The following SHROOM3 variants were observed in gnomAD, a reference collection of about 807,000 sequenced individuals.
SHROOM3 encodes shroom family member 3, also known as protein Shroom3.
Under a neutral mutation model 138.6 loss-of-function variants are expected in SHROOM3, and 47 were observed. The ratio of observed to expected loss-of-function variants is 0.34; its 90% confidence interval spans 0.27 to 0.43. The LOEUF (loss-of-function observed/expected upper bound fraction) is 0.43. SHROOM3 is among the 20% of genes least tolerant of loss of function. The pLI, the probability that SHROOM3 is intolerant of heterozygous loss-of-function variation, is 1.00. For synonymous variants in SHROOM3, 1,062 were observed against 1,063.3 expected, an observed-to-expected ratio of 1.00 and a Z score of 0.02; for missense variants, 2,491 against 2,596.5, an observed-to-expected ratio of 0.96 and a Z score of 0.88.
intron 1 of SHROOM3, chr4:76,532,239 C>T (rs1476549161): frequency 6.6e-6 from 1 of 152,246 alleles, no homozygotes; most frequent in Non-Finnish European, 1.5e-5. Context: ...TGGAACGCTT[C>T]ACGAATTTGC....
chr4:76,765,705 T>A (rs975808966), intron 9 of SHROOM3, among the ~76,000 whole-genome samples: 1 of 152,124 alleles, frequency 6.6e-6, no homozygotes, highest in Non-Finnish European at 1.5e-5. Context: ...ATGAGCGGTG[T>A]GTCATCTTCA....
chr4:76,740,296 C>T lies in SHROOM3; in HGVS notation c.2123C>T (p.Ala708Val). The T allele has an allele frequency of 6.2e-7, 1 of 1,613,154 alleles. No individual in the cohort carries two copies. The highest frequency in any genetic ancestry group is 8.5e-7 in the Non-Finnish European group (1 of 1,180,024). ...NTKAEDPGRK[A>V]APDLGSHLDR... The stretch of plus-strand genomic sequence containing the variant: ...AAGGCAGAAGACCCTGGGAGGAAAG[C>T]CGCTCCTGACCTCGGGAGCCATCTG... The change falls in exon 5 of 11, where the codon GCC (alanine) becomes GTC (valine). Residue 708 changes from alanine to valine, a missense_variant. By Grantham distance (64) the Ala-to-Val change is moderately conservative. This residue lies in a region of SHROOM3 where 1,733 missense variants were observed against 1,661.6 expected (regional missense o/e 1.04). Transcript: ENST00000296043. This position sits in a 1 kb window ranked among gnomAD's most constrained non-coding sequence, Gnocchi z 4.0.
intron 7 of SHROOM3, among the ~76,000 whole-genome samples, chr4:76,755,688 C>T (rs1184782715): frequency 2.0e-5 from 3 of 152,116 alleles, no homozygotes; most frequent in African/African-American, 7.2e-5. Flanking sequence ...TTAATATATA[C>T]AGCCTTGAGG....
chr4:76,546,424 A>G (rs938673985), intron 1 of SHROOM3, among the ~76,000 whole-genome samples: 2 of 152,232 alleles, frequency 1.3e-5, no homozygotes, highest in African/African-American at 4.8e-5. Flanking sequence ...TTTCTGTTTT[A>G]AAGTCCAGCA....
chr4:76,561,909 G>A (rs907424056), intron 2 of SHROOM3, among the ~76,000 whole-genome samples: 3 of 152,026 alleles, frequency 2.0e-5, no homozygotes, highest in Non-Finnish European at 4.4e-5. Flanking sequence ...TACTCGGGAG[G>A]CTGAAGCAGA....
chr4:76,474,253 G>A (rs958748551), intron 1 of SHROOM3, among the ~76,000 whole-genome samples: 4 of 152,314 alleles, frequency 2.6e-5, no homozygotes, highest in Admixed American at 2.0e-4. Flanking sequence ...AACACAGAGA[G>A]AGTATTAGTG....
Position 76,577,968 on chromosome 4 carries a change from G to GT in SHROOM3, c.323+22214dup, listed in dbSNP as rs958494881. ...CTCTCTTCTTCTTACTGTGTTCATT[G>GT]TTTTTTTTTAAGTACCTAGGTAATG... On this transcript the variant is annotated intron_variant, in intron 2 of 10. Transcript: ENST00000296043. 1.3e-4 allele frequency among the ~76,000 whole-genome samples: 19 copies of GT among 151,086 alleles called. No homozygotes were observed. In the East Asian group the frequency reaches 1.4e-3, roughly 11 times the overall value.
At chr4:76,679,556 T>C (rs1719131692) in intron 2 of SHROOM3, among the ~76,000 whole-genome samples, 1 of 152,126 alleles carries the variant, frequency 6.6e-6, no homozygotes, top group Admixed American at 6.5e-5. Flanking sequence ...AACATGAATA[T>C]TTTTCTAGAA....
At chr4:76,633,442 G>T (rs2110074812) in intron 2 of SHROOM3, among the ~76,000 whole-genome samples, 2 of 151,950 alleles carry the variant, frequency 1.3e-5, no homozygotes, top group South Asian at 4.1e-4. Flanking sequence ...GGATCACGAG[G>T]TCGGGAGATC....
chr4:76,740,297 C>T lies in SHROOM3; in HGVS notation c.2124C>T (p.Ala708=), dbSNP rs770979625. ...NTKAEDPGRK[A]APDLGSHLDR... ...AGGCAGAAGACCCTGGGAGGAAAGCCGCTCCTGACCTCGGGAGCCATCTGG... is the reference window on the plus strand; with the variant it reads ...AGGCAGAAGACCCTGGGAGGAAAGCTGCTCCTGACCTCGGGAGCCATCTGG... The change falls in exon 5 of 11, where the codon GCC becomes GCT. Residue 708 remains alanine (A), a synonymous_variant. Transcript: ENST00000296043. This position sits in a 1 kb window ranked among gnomAD's most constrained non-coding sequence, Gnocchi z 4.0. The T allele has an allele frequency of 3.1e-6, 5 of 1,613,156 alleles. 1 individual carries two copies. The highest frequency in any genetic ancestry group is 4.5e-5 in the East Asian group (2 of 44,876).
intron 9 of SHROOM3, among the ~76,000 whole-genome samples, chr4:76,769,784 T>C (rs1722288159): frequency 6.6e-6 from 1 of 152,218 alleles, no homozygotes. Context: ...TACTATAAGA[T>C]TGCTGGGAAG....
chr4:76,585,026 G>A (rs909837029), intron 2 of SHROOM3, among the ~76,000 whole-genome samples: 1 of 152,108 alleles, frequency 6.6e-6, no homozygotes, highest in South Asian at 2.1e-4. Context: ...AATTCAAGTG[G>A]AACATTCTAG....
rs369408426 is a variant in SHROOM3, at chr4:76,717,454, C to T, written c.455+7167C>T. Among the ~76,000 whole-genome samples the T allele has an allele frequency of 2.6e-4, 39 of 152,232 alleles. No homozygotes were observed. In the East Asian group the frequency reaches 6.0e-3, roughly 23 times the overall value. On this transcript the variant is annotated intron_variant, in intron 3 of 10. Coordinates refer to ENST00000296043, the MANE Select transcript of SHROOM3 (RefSeq NM_020859.4). ...TTTTCTTCCTTTCCCTCTTTCTTTTCATTCTGGTATTTCCATTACGTCTAT... is the reference window on the plus strand; with the variant it reads ...TTTTCTTCCTTTCCCTCTTTCTTTTTATTCTGGTATTTCCATTACGTCTAT...
At chr4:76,770,311 C>A (rs1722307612) in intron 9 of SHROOM3, among the ~76,000 whole-genome samples, 1 of 123,104 alleles carries the variant, frequency 8.1e-6, no homozygotes, top group Admixed American at 9.1e-5. Context: ...GTGACAAGAG[C>A]CAAACTCTGT....
chr4:76,765,984 G>A (rs936979708), intron 9 of SHROOM3, among the ~76,000 whole-genome samples: 2 of 152,020 alleles, frequency 1.3e-5, no homozygotes, highest in African/African-American at 2.4e-5. Flanking sequence ...TGTGGTTTCC[G>A]CCAGCCTCAT....
chr4:76,441,082 A>ATTTGTTTTT (rs1560506861), intron 1 of SHROOM3, among the ~76,000 whole-genome samples: 1 of 55,964 alleles, frequency 1.8e-5, no homozygotes, highest in African/African-American at 5.0e-5. Flanking sequence ...CCTGAGTTCA[A>ATTTGTTTTT]TTTGTTTTTT....
chr4:76,441,091 T>TTTTTTG (rs1002824892), intron 1 of SHROOM3, among the ~76,000 whole-genome samples: 9 of 128,660 alleles, frequency 7.0e-5, no homozygotes, highest in Admixed American at 3.1e-4. Context: ...AATTTGTTTT[T>TTTTTTG]TTTTTTTTTT....
intron 2 of SHROOM3, among the ~76,000 whole-genome samples, chr4:76,596,289 A>G (rs974870328): frequency 6.6e-6 from 1 of 152,150 alleles, no homozygotes; most frequent in African/African-American, 2.4e-5. Flanking sequence ...GCTTGTGCCT[A>G]TGATCCCAGC....
chr4:76,519,002 G>A (rs990750972), intron 1 of SHROOM3, among the ~76,000 whole-genome samples: 1 of 152,100 alleles, frequency 6.6e-6, no homozygotes, highest in African/African-American at 2.4e-5. Context: ...ACCACAGTCT[G>A]GGTACACAGC....
Sources: gnomAD v4.1 joint callset for allele counts (sites outside exome capture counted in the v4.1 genomes callset) on GRCh38, gnomAD v4.1.1 for gene constraint, gnomAD v4.1.1 regional missense constraint, Gnocchi (gnomAD v3.1) non-coding constraint, MANE v1.5 for transcripts, NCBI Gene and HGNC (gene_info 2026-07-23, HGNC 2026-07-21) for gene names.